Variants in CAMTA1 observed in about 807,000 individuals in gnomAD.
CAMTA1 encodes the protein calmodulin binding transcription activator 1.
A neutral mutation model predicts 170.9 loss-of-function variants in CAMTA1; 27 were observed. The ratio of observed to expected loss-of-function variants is 0.16; its 90% CI spans 0.12 to 0.22. The LOEUF is 0.22. Among genes scored for constraint, CAMTA1 ranks in the 10% least tolerant of loss-of-function variants. CAMTA1 has a pLI of 1.00. For synonymous variants in CAMTA1, 833 were observed against 891.5 expected (o/e 0.93, Z 1.17); for missense variants, 1,619 against 2,217.2 (o/e 0.73, Z 5.42).
intron 5 of CAMTA1, among the ~76,000 whole-genome samples, chr1:7,260,651 AG>A (rs1668030371): frequency 6.6e-6 from 1 of 152,236 alleles, no homozygotes; most frequent in African/African-American, 2.4e-5. Flanking sequence ...CACAGAAGAT[AG>A]GCTGAAACTG....
intron 5 of CAMTA1, among the ~76,000 whole-genome samples, chr1:7,348,197 G>A (rs1422638992): frequency 6.6e-6 from 1 of 152,126 alleles, no homozygotes; most frequent in African/African-American, 2.4e-5. Context: ...CTTTCTCTTC[G>A]TCTTGTGGCC....
At chr1:7,493,312 CACAA>C (rs34065881) in intron 6 of CAMTA1, among the ~76,000 whole-genome samples, 98,280 of 148,742 alleles carry the variant, frequency 0.66, 33,709 homozygotes, top group African/African-American at 0.83. Context: ...CAAATGCGCA[CACAA>C]ACAAACCTAC....
At chr1:6,810,120 G>A (rs576899490) in intron 1 of CAMTA1, among the ~76,000 whole-genome samples, 35 of 152,292 alleles carry the variant, frequency 2.3e-4, no homozygotes, top group African/African-American at 8.4e-4. Context: ...GGAATCTCCT[G>A]GTTCCCATGG....
intron 6 of CAMTA1, among the ~76,000 whole-genome samples, chr1:7,606,848 G>A (rs2095490190): frequency 6.6e-6 from 1 of 152,182 alleles, no homozygotes; most frequent in African/African-American, 2.4e-5. Context: ...TGGGATGGCT[G>A]GGGAGGAAAT....
chr1:7,204,809 C>CTTTTTTTT (rs61639082), intron 4 of CAMTA1, among the ~76,000 whole-genome samples: 3 of 120,962 alleles, frequency 2.5e-5, no homozygotes, highest in African/African-American at 3.1e-5. Flanking sequence ...GTCAGAGTTT[C>CTTTTTTTT]TTTTTTTTTT....
Position 7,251,187 on chromosome 1 carries a change from CGTGA to C in CAMTA1, c.438+1564_438+1567del, listed in dbSNP as rs1193895601. On this transcript the variant is annotated intron_variant, in intron 5 of 22. Transcript: ENST00000303635. This position sits in a 1 kb window ranked among gnomAD's most constrained non-coding sequence, Gnocchi z 5.1. ...AATACGTACATCAGGAACTTCTGCT[CGTGA>C]GTAACAGCCGGGTGGAATTCTTCCT... 2.6e-5 allele frequency among the ~76,000 whole-genome samples: 4 copies of C among 152,148 alleles called. No individual in the cohort carries two copies. Among genetic ancestry groups the C allele is most frequent in the African/African-American group, 4.8e-5 (2 of 41,424 alleles).
intron 3 of CAMTA1, among the ~76,000 whole-genome samples, chr1:7,011,105 A>C (rs975501871): frequency 3.9e-5 from 6 of 152,172 alleles, no homozygotes; most frequent in Admixed American, 1.3e-4. Context: ...CTGTCTTGGC[A>C]TGGTCTCTGC....
chr1:7,227,537 C>T (rs570540155), intron 4 of CAMTA1, among the ~76,000 whole-genome samples: 1 of 152,228 alleles, frequency 6.6e-6, no homozygotes, highest in African/African-American at 2.4e-5. Flanking sequence ...CCATGTTGGT[C>T]AGGCTGGTCT....
At chr1:6,988,014 C>T (rs1017706243) in intron 3 of CAMTA1, among the ~76,000 whole-genome samples, 5 of 152,230 alleles carry the variant, frequency 3.3e-5, no homozygotes, top group Non-Finnish European at 1.5e-5. Flanking sequence ...CTCTGCTTCC[C>T]ATCCCTCTTC....
At chr1:7,122,576 G>A (rs115841467) in intron 4 of CAMTA1, among the ~76,000 whole-genome samples, 1,769 of 152,272 alleles carry the variant, frequency 0.012, 33 homozygotes, top group African/African-American at 0.04. Flanking sequence ...CCAGCATGCC[G>A]TCTGAGCATA....
chr1:7,108,467 C>T (rs769031577), intron 4 of CAMTA1, among the ~76,000 whole-genome samples: 11 of 152,178 alleles, frequency 7.2e-5, no homozygotes, highest in Non-Finnish European at 1.2e-4. Context: ...AGTTCTTCCT[C>T]ACTTCTGCTT....
intron 3 of CAMTA1, among the ~76,000 whole-genome samples, chr1:6,998,831 A>G (rs531518362): frequency 3.3e-4 from 50 of 152,338 alleles, no homozygotes; most frequent in Non-Finnish European, 4.3e-4. Context: ...TTGGACATCT[A>G]TGTTCAAAAG....
At chr1:7,509,062 C>T (rs913061715) in intron 6 of CAMTA1, among the ~76,000 whole-genome samples, 1 of 152,138 alleles carries the variant, frequency 6.6e-6, no homozygotes, top group African/African-American at 2.4e-5. Context: ...TGCTGTGGGT[C>T]CCCCCAGGCA....
chr1:7,250,861 G>A (rs924527406), intron 5 of CAMTA1, among the ~76,000 whole-genome samples: 2 of 152,346 alleles, frequency 1.3e-5, no homozygotes, highest in African/African-American at 4.8e-5. Context: ...TGACTGCACA[G>A]AACATTAAAA....
chr1:7,746,209 A>C (rs2096856042), intron 18 of CAMTA1, 118 bp downstream of exon 18: 1 of 1,250,650 alleles, frequency 8.0e-7, no homozygotes, highest in South Asian at 1.5e-5. Context: ...GAATTTGTAG[A>C]ATTTTTTTGG....
chr1:7,415,596 G>A (rs202002671), intron 5 of CAMTA1, among the ~76,000 whole-genome samples: 2 of 151,330 alleles, frequency 1.3e-5, no homozygotes, highest in South Asian at 2.1e-4. Context: ...GCCTTTTTTT[G>A]TTTTCCATTT....
intron 1 of CAMTA1, among the ~76,000 whole-genome samples, chr1:6,785,951 A>G (rs1383955325): frequency 6.8e-6 from 1 of 146,736 alleles, no homozygotes; most frequent in East Asian, 2.1e-4. Context: ...CGGCCCCCGC[A>G]CCCCCGGCGC....
intron 3 of CAMTA1, among the ~76,000 whole-genome samples, chr1:6,922,928 G>A (rs1053950005): frequency 3.9e-5 from 6 of 152,134 alleles, no homozygotes; most frequent in Non-Finnish European, 7.3e-5. Context: ...GGATCACTCC[G>A]GTGACGGTGG....
chr1:7,471,020 C>T (rs902965431), intron 6 of CAMTA1, among the ~76,000 whole-genome samples: 6 of 152,208 alleles, frequency 3.9e-5, no homozygotes, highest in African/African-American at 1.4e-4. Context: ...GTGACGTATC[C>T]ACCCCGGGGC....
Sources: allele counts gnomAD v4.1 joint callset (sites outside exome capture counted in the v4.1 genomes callset), GRCh38; gene constraint gnomAD v4.1.1; non-coding constraint Gnocchi (gnomAD v3.1); transcripts MANE v1.5; gene names NCBI Gene and HGNC (gene_info 2026-07-23, HGNC 2026-07-21).